Variants in ZBTB20 observed in about 807,000 individuals in gnomAD.
ZBTB20 encodes zinc finger and BTB domain containing 20.
Under a neutral mutation model 56.9 loss-of-function variants are expected in ZBTB20, and 9 were observed. The ratio of observed to expected loss-of-function variants is 0.16; its 90% confidence interval spans 0.10 to 0.28. The LOEUF (loss-of-function observed/expected upper bound fraction) is 0.28. Ranked by LOEUF, ZBTB20 falls within the 10% of genes least tolerant of loss-of-function variation. The probability of loss-of-function intolerance (pLI) is 1.00; values close to 1 mark genes in which losing one functional copy is unlikely to be tolerated. For synonymous variants in ZBTB20, 417 were observed against 420.7 expected, an observed-to-expected ratio of 0.99 and a Z score of 0.11; for missense variants, 655 against 1,003.0, an observed-to-expected ratio of 0.65 and a Z score of 4.69.
At position 114,350,807 on chromosome 3, in the gene ZBTB20, T is replaced by G; in HGVS notation, c.1271A>C (p.Asn424Thr). ...AGAGGAAGCACCTGTTTCTAGCTGG[T>G]TTGTCTGCGGACCACCCTCAGCGGG... The part of the protein sequence containing the change: ...EAPAEGGPQT[N>T]QLETGASSPE... Residue 424 changes from asparagine (N) to threonine (T), a missense_variant, in exon 11 of 12, where the codon AAC (asparagine) becomes ACC (threonine). Asn to Thr is a moderately conservative substitution (Grantham distance 65, BLOSUM62 0). Around this residue, in one of 10 missense-constraint regions of ZBTB20, gnomAD observed 156 missense variants for 181.0 expected, o/e 0.86. Coordinates refer to ENST00000675478, the MANE Select transcript of ZBTB20 (RefSeq NM_001348800.3). The G allele has an allele frequency of 6.2e-7, 1 of 1,613,886 alleles. No individual in the cohort carries two copies. The highest frequency in any genetic ancestry group is 8.5e-7 in the Non-Finnish European group (1 of 1,180,018).
At chr3:114,661,329 G>C (rs2060710787) in intron 6 of ZBTB20, among the ~76,000 whole-genome samples, 1 of 152,062 alleles carries the variant, frequency 6.6e-6, no homozygotes, top group Non-Finnish European at 1.5e-5. Flanking sequence ...TGCTATCTTT[G>C]CTGGGCATAA....
chr3:114,397,512 A>T (rs1476737952), intron 7 of ZBTB20, among the ~76,000 whole-genome samples: 2 of 151,478 alleles, frequency 1.3e-5, no homozygotes, highest in African/African-American at 4.9e-5. Context: ...CATCAGGGAT[A>T]CTTTCTCTGT....
intron 6 of ZBTB20, among the ~76,000 whole-genome samples, chr3:114,639,393 C>T (rs2059436330): frequency 6.6e-6 from 1 of 151,860 alleles, no homozygotes; most frequent in South Asian, 2.1e-4. Flanking sequence ...CTGTCAGAGG[C>T]TCCACAAACA....
chr3:114,729,928 T>C (rs2065605998), intron 5 of ZBTB20, among the ~76,000 whole-genome samples: 1 of 151,300 alleles, frequency 6.6e-6, no homozygotes, highest in Non-Finnish European at 1.5e-5. Flanking sequence ...CTTAGCCTCA[T>C]GAGTAGCTGG....
At chr3:115,061,032 T>C (rs2081994465) in intron 2 of ZBTB20, among the ~76,000 whole-genome samples, 1 of 152,140 alleles carries the variant, frequency 6.6e-6, no homozygotes, top group Admixed American at 6.5e-5. Context: ...ATATGATCAT[T>C]TCTGGAAGTT....
At chr3:114,842,435 A>C (rs1009966144) in intron 4 of ZBTB20, among the ~76,000 whole-genome samples, 4 of 152,152 alleles carry the variant, frequency 2.6e-5, no homozygotes, top group African/African-American at 9.7e-5. Flanking sequence ...ACTTTTGTTC[A>C]TTTACTCAAT....
At chr3:114,892,065 A>C (rs915742935) in intron 4 of ZBTB20, among the ~76,000 whole-genome samples, 1 of 152,146 alleles carries the variant, frequency 6.6e-6, no homozygotes, top group Non-Finnish European at 1.5e-5. Flanking sequence ...AAAAATATCC[A>C]AATCTGTGTA....
At chr3:114,471,596 C>G (rs553513929) in intron 7 of ZBTB20, among the ~76,000 whole-genome samples, 1 of 152,216 alleles carries the variant, frequency 6.6e-6, no homozygotes, top group Admixed American at 6.5e-5. Context: ...ACAGCTACAT[C>G]AGGGAGGTGG....
chr3:114,557,993 A>C (rs973745490), intron 6 of ZBTB20, among the ~76,000 whole-genome samples: 1 of 152,074 alleles, frequency 6.6e-6, no homozygotes, highest in African/African-American at 2.4e-5. Flanking sequence ...CCTAATGTTA[A>C]TACATTCCCT....
At chr3:114,538,057 A>G (rs533582259) in intron 6 of ZBTB20, among the ~76,000 whole-genome samples, 1 of 152,178 alleles carries the variant, frequency 6.6e-6, no homozygotes, top group South Asian at 2.1e-4. Context: ...CGTGCAGCAA[A>G]CCACCATGGC....
chr3:114,900,447 T>C (rs2107666126), intron 3 of ZBTB20, 105 bp from the exon 4 acceptor site: 1 of 151,866 alleles, frequency 6.6e-6, no homozygotes, highest in East Asian at 1.9e-4. Flanking sequence ...TTTCAGTGCA[T>C]AAAGAGGTAA....
At chr3:114,822,852 C>G (rs918107518) in intron 4 of ZBTB20, among the ~76,000 whole-genome samples, 1 of 151,870 alleles carries the variant, frequency 6.6e-6, no homozygotes, top group Non-Finnish European at 1.5e-5. Flanking sequence ...CCTTTTAATA[C>G]CATGGGAAAA....
chr3:114,394,724 A>T (rs1398513745), intron 7 of ZBTB20, among the ~76,000 whole-genome samples: 1 of 152,074 alleles, frequency 6.6e-6, no homozygotes, highest in African/African-American at 2.4e-5. Context: ...CCTTTCTACT[A>T]GGGTTGTTTT....
intron 5 of ZBTB20, among the ~76,000 whole-genome samples, chr3:114,718,064 T>C (rs1311322509): frequency 1.3e-5 from 2 of 152,130 alleles, no homozygotes; most frequent in South Asian, 2.1e-4. Flanking sequence ...TCTGATTTTA[T>C]GACTTTGATA....
chr3:115,081,355 C>T (rs1206995622), intron 1 of ZBTB20, among the ~76,000 whole-genome samples: 1 of 152,084 alleles, frequency 6.6e-6, no homozygotes, highest in East Asian at 1.9e-4. Context: ...CTAAAACACA[C>T]ATCTGTAGGG....
At position 114,316,740 on chromosome 3, in the gene ZBTB20, G is replaced by T; in HGVS notation, c.*22265C>A. ...ATTCCTTGGAAAACATTTTTGATGA[G>T]AAAAATCTGACAGTTCTCAGCCCCA... On this transcript the variant is annotated 3_prime_UTR_variant, in exon 12 of 12. Coordinates refer to ENST00000675478, the MANE Select transcript of ZBTB20 (RefSeq NM_001348800.3). 3 of 368,670 alleles carry T rather than the reference G, an allele frequency of 8.1e-6. No individual in the cohort carries two copies. Among genetic ancestry groups the T allele is most frequent in the South Asian group, 6.8e-5 (3 of 44,428 alleles). 22.8% of individuals were successfully genotyped at this position (368,670 alleles called of 1,614,324 possible).
chr3:114,877,676 G>C (rs532421238), intron 4 of ZBTB20, among the ~76,000 whole-genome samples: 1 of 152,144 alleles, frequency 6.6e-6, no homozygotes, highest in South Asian at 2.1e-4. Flanking sequence ...TCAGGAAGAC[G>C]TAAGTCTTTT....
intron 4 of ZBTB20, among the ~76,000 whole-genome samples, chr3:114,867,877 C>T (rs184674312): frequency 2.6e-5 from 4 of 152,260 alleles, no homozygotes; most frequent in East Asian, 3.9e-4. Flanking sequence ...CTAATATATG[C>T]GAGTTACATT....
At chr3:115,023,343 T>G (rs2080282754) in intron 2 of ZBTB20, among the ~76,000 whole-genome samples, 1 of 151,034 alleles carries the variant, frequency 6.6e-6, no homozygotes, top group African/African-American at 2.4e-5. Context: ...TATGCCTAGA[T>G]TCAATTCTGT....
Sources: gnomAD v4.1 joint callset for allele counts (sites outside exome capture counted in the v4.1 genomes callset) on GRCh38, gnomAD v4.1.1 for gene constraint, gnomAD v4.1.1 regional missense constraint, MANE v1.5 for transcripts, NCBI Gene and HGNC (gene_info 2026-07-23, HGNC 2026-07-21) for gene names.